The following ANKHD1 variants were observed in gnomAD, a reference collection of about 807,000 sequenced individuals.
ANKHD1 encodes the protein ankyrin repeat and KH domain containing 1, also known as ankyrin repeat and KH domain-containing protein 1.
Under a neutral mutation model 230.5 loss-of-function variants are expected in ANKHD1, and 31 were observed. The ratio of observed to expected loss-of-function variants is 0.13; its 90% CI spans 0.10 to 0.18. ANKHD1 has a LOEUF of 0.18. Among genes scored for constraint, ANKHD1 ranks in the 10% least tolerant of loss-of-function variants. ANKHD1 has a pLI of 1.00. For synonymous variants in ANKHD1, 1,074 were observed against 1,117.6 expected (o/e 0.96, Z 0.78); for missense variants, 2,256 against 3,071.3 (o/e 0.73, Z 6.27).
In ANKHD1 at chr5:140,461,200, A is replaced by G. The variant is rs149093804; in HGVS notation, c.1672+1845A>G. Among the ~76,000 whole-genome samples, 168 of 152,350 alleles carry G rather than the reference A, an allele frequency of 1.1e-3. 3 individuals carry two copies. Among genetic ancestry groups the G allele is most frequent in the East Asian group, 9.6e-3 (50 of 5,184 alleles). Reference sequence around the variant, plus strand: ...ACACATTCTTGTAGATGAGGGAACTAATGCACAATGATGTTATATAACTCC... The same window carrying G: ...ACACATTCTTGTAGATGAGGGAACTGATGCACAATGATGTTATATAACTCC... On this transcript the variant is annotated intron_variant, in intron 9 of 33. Coordinates refer to ENST00000360839, the MANE Select transcript of ANKHD1 (RefSeq NM_017747.3).
intron 14 of ANKHD1, among the ~76,000 whole-genome samples, chr5:140,490,480 G>A (rs1411170983): frequency 6.6e-6 from 1 of 152,094 alleles, no homozygotes; most frequent in Non-Finnish European, 1.5e-5. Flanking sequence ...TGGTTTTCAA[G>A]GATTCAGGAT....
Position 140,466,684 on chromosome 5 carries a change from G to A in ANKHD1, c.1782+1908G>A, listed in dbSNP as rs576170635. ...AGATAGGCCAGGCGCAGTGGCTCAC[G>A]CATGTAATCCCAGCACTTTGGGAGA... is the stretch of plus-strand genomic sequence containing the variant. On this transcript the variant is annotated intron_variant, in intron 10 of 33. Transcript: ENST00000360839. Among the ~76,000 whole-genome samples, 12 of 152,200 alleles carry A rather than the reference G, an allele frequency of 7.9e-5. No individual in the cohort carries two copies. The East Asian group carries it at 1.9e-3, about 25-fold the overall frequency.
chr5:140,523,862 A>G (rs567795740), intron 24 of ANKHD1, among the ~76,000 whole-genome samples: 71 of 152,048 alleles, frequency 4.7e-4, no homozygotes, highest in Non-Finnish European at 8.8e-4. Context: ...CGCCCAGCTG[A>G]TTTTTTACTT....
rs1358180387 is a variant in ANKHD1, at chr5:140,486,776, C to T, written c.2143-182C>T. The T allele has an allele frequency of 8.7e-6, 4 of 457,820 alleles. No individual in the cohort carries two copies. In the East Asian group the frequency reaches 1.5e-4, roughly 17 times the overall value. 28.4% of individuals were successfully genotyped at this position (457,820 alleles called of 1,614,324 possible). On this transcript the variant is annotated intron_variant, in intron 13 of 33. Transcript: ENST00000360839. The stretch of plus-strand genomic sequence containing the variant: ...CATTGACTATTTGTAGATTCCCCGA[C>T]TGTCTAATCATTAGTCTCAAAAATT...
intron 14 of ANKHD1, among the ~76,000 whole-genome samples, chr5:140,491,969 A>T (rs1424752129): frequency 6.6e-6 from 1 of 152,238 alleles, no homozygotes; most frequent in African/African-American, 2.4e-5. Flanking sequence ...TTAAAAAAGT[A>T]ATCAAGAAGT....
chr5:140,442,395 T>C (rs543836071), intron 5 of ANKHD1, among the ~76,000 whole-genome samples: 6 of 152,060 alleles, frequency 3.9e-5, no homozygotes, highest in Non-Finnish European at 7.4e-5. Context: ...CCAGAGACAA[T>C]TGGAAGACAA....
At chr5:140,405,960 C>T (rs1309594488) in intron 1 of ANKHD1, among the ~76,000 whole-genome samples, 2 of 151,540 alleles carry the variant, frequency 1.3e-5, no homozygotes, top group Non-Finnish European at 2.9e-5. Context: ...TTTATAACCA[C>T]CGGGCATGGT....
At chr5:140,413,118 A>G (rs1250662181) in intron 1 of ANKHD1, among the ~76,000 whole-genome samples, 1 of 152,232 alleles carries the variant, frequency 6.6e-6, no homozygotes, top group African/African-American at 2.4e-5. Context: ...CTAAGAACCA[A>G]CTAAGAACCA....
chr5:140,535,015 A>G (rs143408768), intron 29 of ANKHD1, among the ~76,000 whole-genome samples: 48 of 152,308 alleles, frequency 3.2e-4, no homozygotes, highest in Middle Eastern at 6.8e-3. Context: ...GTTGGGTGCT[A>G]CTTAGTTACA....
intron 3 of ANKHD1, among the ~76,000 whole-genome samples, chr5:140,439,529 C>T (rs996699043): frequency 6.6e-6 from 1 of 151,990 alleles, no homozygotes; most frequent in Admixed American, 6.6e-5. Flanking sequence ...AATTAGCCAG[C>T]TGTGGTGGCA....
intron 14 of ANKHD1, among the ~76,000 whole-genome samples, chr5:140,488,419 T>C (rs1751604008): frequency 6.6e-6 from 1 of 151,748 alleles, no homozygotes; most frequent in Non-Finnish European, 1.5e-5. Flanking sequence ...ACCCCATCTC[T>C]ACGAAAAATA....
intron 30 of ANKHD1, 137 bp from the exon 31 acceptor site, chr5:140,537,252 G>T: frequency 7.2e-7 from 1 of 1,386,596 alleles, no homozygotes; most frequent in Non-Finnish European, 9.5e-7. Flanking sequence ...AACTTATGTT[G>T]TGGAATAGAT....
chr5:140,502,279 C>T (rs539203897), intron 15 of ANKHD1, among the ~76,000 whole-genome samples: 13 of 152,104 alleles, frequency 8.5e-5, no homozygotes, highest in Admixed American at 8.5e-4. Context: ...GTAATTAGTC[C>T]TGTTAAAGGC....
At chr5:140,412,427 A>G (rs573211172) in intron 1 of ANKHD1, among the ~76,000 whole-genome samples, 1 of 152,320 alleles carries the variant, frequency 6.6e-6, no homozygotes, top group South Asian at 2.1e-4. Flanking sequence ...CAGAGGGCCA[A>G]GATTACAGGC....
chr5:140,406,038 G>C (rs1770410645), intron 1 of ANKHD1, among the ~76,000 whole-genome samples: 1 of 152,026 alleles, frequency 6.6e-6, no homozygotes, highest in African/African-American at 2.4e-5. Flanking sequence ...TCAGGAGTTA[G>C]AGACCAGCCT....
Position 140,458,825 on chromosome 5 carries a change from A to G in ANKHD1, c.1443A>G (p.Glu481=). 2 of 1,612,906 alleles carry G rather than the reference A, an allele frequency of 1.2e-6. No homozygotes were observed. Among genetic ancestry groups the G allele is most frequent in the Non-Finnish European group, 8.5e-7 (1 of 1,179,580 alleles). ...GYTPLMEAAR[E]GHEEMVALLL... ...CTCCCTTGATGGAAGCTGCCCGGGA[A>G]GGACATGAAGAAATGGTGGCACTAC... Residue 481 remains glutamate (E), a synonymous_variant, in exon 8 of 34, where the codon GAA becomes GAG. Coordinates refer to ENST00000360839, the MANE Select transcript of ANKHD1 (RefSeq NM_017747.3).
At chr5:140,432,703 C>T (rs892723088) in intron 1 of ANKHD1, among the ~76,000 whole-genome samples, 1 of 151,956 alleles carries the variant, frequency 6.6e-6, no homozygotes, top group African/African-American at 2.4e-5. Context: ...GCAGAAAGAC[C>T]TTATATTAAT....
chr5:140,440,201 C>T lies in ANKHD1; in HGVS notation c.700C>T (p.His234Tyr), dbSNP rs781027114. The change falls in exon 4 of 34, where the codon CAT becomes TAT. Residue 234 changes from histidine to tyrosine, a missense_variant. Physicochemically the swap from His to Tyr is moderately conservative, Grantham distance 83. This residue lies in a region of ANKHD1 where 206 missense variants were observed against 304.5 expected (regional missense o/e 0.68). Coordinates refer to ENST00000360839, the MANE Select transcript of ANKHD1 (RefSeq NM_017747.3). ...LLDEGRSVNE[H>Y]TEEGESLLCL... ...AGATGAAGGCAGAAGTGTAAATGAA[C>T]ATACAGAAGAAGGAGAAAGCCTGCT... is the stretch of plus-strand genomic sequence containing the variant. 3 of 1,613,580 alleles carry T rather than the reference C, an allele frequency of 1.9e-6. No homozygotes were observed. Among genetic ancestry groups the T allele is most frequent in the Non-Finnish European group, 2.5e-6 (3 of 1,179,688 alleles).
chr5:140,425,387 A>C (rs1306817708), intron 1 of ANKHD1, among the ~76,000 whole-genome samples: 1 of 152,036 alleles, frequency 6.6e-6, no homozygotes, highest in Admixed American at 6.6e-5. Context: ...CAGCCTCCCA[A>C]GTAGCTGGGA....
Sources: allele counts gnomAD v4.1 joint callset (sites outside exome capture counted in the v4.1 genomes callset), GRCh38; gene constraint gnomAD v4.1.1; regional missense constraint gnomAD v4.1.1; transcripts MANE v1.5; gene names NCBI Gene and HGNC (gene_info 2026-07-23, HGNC 2026-07-21).